The following PGGT1B variants were observed in gnomAD, a reference collection of about 807,000 sequenced individuals.
PGGT1B encodes the protein geranylgeranyl transferase type-1 subunit beta.
PGGT1B carries 30 observed loss-of-function variants against 46.1 expected under a neutral mutation model. That is an observed-to-expected ratio of 0.65 (90% CI 0.49 to 0.88). The LOEUF (loss-of-function observed/expected upper bound fraction) is 0.88. PGGT1B is among the 40% of genes least tolerant of loss of function. PGGT1B has a pLI of 0.00. For missense variants in PGGT1B, 376 were observed against 455.9 expected (o/e 0.82, Z 1.60); for synonymous variants, 170 against 160.0 (o/e 1.06, Z -0.47).
rs747282074 is a variant in PGGT1B at position 115,212,150 on chromosome 5, A to G, written c.*252T>C. ...ACACACATACAGTTAATTTGCCTCA[A>G]ACAACTTCTTAGAAATACAGTATAA... On this transcript the variant is annotated 3_prime_UTR_variant, in exon 9 of 9. Coordinates refer to ENST00000419445, the MANE Select transcript of PGGT1B (RefSeq NM_005023.4). 61 of 466,896 alleles carry G rather than the reference A, an allele frequency of 1.3e-4. No homozygotes were observed. Among genetic ancestry groups the G allele is most frequent in the Non-Finnish European group, 2.0e-4 (55 of 275,272 alleles). 28.9% of individuals were successfully genotyped at this position (466,896 alleles called of 1,614,324 possible).
intron 6 of PGGT1B, among the ~76,000 whole-genome samples, chr5:115,229,135 T>C (rs1756890477): frequency 6.6e-6 from 1 of 152,048 alleles, no homozygotes; most frequent in Non-Finnish European, 1.5e-5. Context: ...TCCTTTAGGG[T>C]AGTACTTCCC....
chr5:115,216,734 C>CT, intron 8 of PGGT1B, 131 bp downstream of exon 8: 1 of 663,754 alleles, frequency 1.5e-6, no homozygotes, highest in Non-Finnish European at 2.7e-6. Context: ...CACAATATAC[C>CT]TTTTAAAAAA....
chr5:115,233,314 AAAG>A (rs1731304201), intron 5 of PGGT1B, among the ~76,000 whole-genome samples: 1 of 151,920 alleles, frequency 6.6e-6, no homozygotes, highest in Admixed American at 6.6e-5. Context: ...TAGTGTTAGA[AAAG>A]AAATAGAAGA....
chr5:115,259,544 C>T (rs955455013), intron 1 of PGGT1B, among the ~76,000 whole-genome samples: 2 of 152,004 alleles, frequency 1.3e-5, no homozygotes, highest in African/African-American at 4.8e-5. Context: ...AAAAAATTAG[C>T]TGAGCGTGGT....
rs1411777152 is a variant in PGGT1B, at chr5:115,208,651, C to T, written c.*3751G>A. 2.0e-5 allele frequency: 3 copies of T among 151,892 alleles called. No homozygotes were observed. The highest frequency in any genetic ancestry group is 2.1e-4 in the South Asian group (1 of 4,826). The allele number at this position is 151,892 out of a possible 1,614,324, so 9.4% of individuals were successfully genotyped here. A position where few individuals can be genotyped will look rare whatever the true frequency, so the allele number is the denominator to read the frequency against. On this transcript the variant is annotated 3_prime_UTR_variant, in exon 9 of 9. Coordinates refer to ENST00000419445, the MANE Select transcript of PGGT1B (RefSeq NM_005023.4). The stretch of plus-strand genomic sequence containing the variant: ...TGGTAGTTTATCTGACTCAACTCCC[C>T]GCACTACCCATCACCAACTTGGATT...
chr5:115,213,946 T>C (rs533215243), intron 8 of PGGT1B, among the ~76,000 whole-genome samples: 10 of 152,342 alleles, frequency 6.6e-5, no homozygotes, highest in South Asian at 4.1e-4. Flanking sequence ...GAGGCCCATG[T>C]TGATCACCTT....
chr5:115,244,738 G>A (rs1462812576), intron 2 of PGGT1B, among the ~76,000 whole-genome samples: 1 of 151,578 alleles, frequency 6.6e-6, no homozygotes, highest in Non-Finnish European at 1.5e-5. Context: ...CTACAGGCAT[G>A]AGCTACCACG....
At chr5:115,228,696 T>C (rs1756873468) in intron 6 of PGGT1B, among the ~76,000 whole-genome samples, 1 of 151,918 alleles carries the variant, frequency 6.6e-6, no homozygotes, top group African/African-American at 2.4e-5. Flanking sequence ...AAAGCTGAAC[T>C]GAGGTAAAGA....
At chr5:115,223,802 T>C (rs1285906772) in intron 6 of PGGT1B, among the ~76,000 whole-genome samples, 1 of 152,216 alleles carries the variant, frequency 6.6e-6, no homozygotes, top group Non-Finnish European at 1.5e-5. Flanking sequence ...ACAACACTTT[T>C]TACTGGCACT....
intron 8 of PGGT1B, among the ~76,000 whole-genome samples, chr5:115,216,627 T>C (rs1225177208): frequency 6.6e-6 from 1 of 152,158 alleles, no homozygotes; most frequent in African/African-American, 2.4e-5. Context: ...CATTACTAAG[T>C]AAAATATTTG....
intron 6 of PGGT1B, among the ~76,000 whole-genome samples, chr5:115,227,984 A>C (rs1756845618): frequency 6.6e-6 from 1 of 152,178 alleles, no homozygotes; most frequent in South Asian, 2.1e-4. Flanking sequence ...CAAAAACTGA[A>C]AAGGAGATTA....
intron 1 of PGGT1B, among the ~76,000 whole-genome samples, chr5:115,261,372 C>T (rs1748549090): frequency 6.6e-6 from 1 of 152,178 alleles, no homozygotes; most frequent in African/African-American, 2.4e-5. Context: ...TTTCTTAGTG[C>T]TTCTCAGATA....
rs1554069083 is a variant in PGGT1B at position 115,207,180 on chromosome 5, C to CATACATATATATATATATAT, written c.*5221_*5222insATATATATATATATATGTAT. 4.4e-5 allele frequency: 4 copies of CATACATATATATATATATAT among 89,956 alleles called. No homozygotes were observed. The highest frequency in any genetic ancestry group is 3.2e-4 in the South Asian group (1 of 3,166). The allele number at this position is 89,956 out of a possible 1,614,324, so 5.6% of individuals were successfully genotyped here. A position where few individuals can be genotyped will look rare whatever the true frequency, so the allele number is the denominator to read the frequency against. On this transcript the variant is annotated 3_prime_UTR_variant, in exon 9 of 9. Transcript: ENST00000419445. ...ACTAGTTTAGGTTTGCATATACATA[C>CATACATATATATATATATAT]ATATATATATATATATATATATATA...
intron 6 of PGGT1B, among the ~76,000 whole-genome samples, chr5:115,225,309 A>G (rs1039190452): frequency 3.3e-5 from 5 of 152,266 alleles, no homozygotes; most frequent in African/African-American, 1.2e-4. Context: ...GTCATAAAAC[A>G]TCACAGATGA....
At chr5:115,250,005 T>C (rs1748020215) in intron 2 of PGGT1B, among the ~76,000 whole-genome samples, 1 of 152,194 alleles carries the variant, frequency 6.6e-6, no homozygotes, top group Non-Finnish European at 1.5e-5. Context: ...TAAAGGACAA[T>C]GTATCTTTTT....
chr5:115,248,503 C>A (rs966573799), intron 2 of PGGT1B, among the ~76,000 whole-genome samples: 4 of 152,190 alleles, frequency 2.6e-5, no homozygotes, highest in Non-Finnish European at 5.9e-5. Flanking sequence ...CAATTCCCAA[C>A]CTGACCCATT....
At chr5:115,243,831 C>A (rs1757421889) in intron 2 of PGGT1B, among the ~76,000 whole-genome samples, 1 of 151,972 alleles carries the variant, frequency 6.6e-6, no homozygotes, top group African/African-American at 2.4e-5. Flanking sequence ...TCCCTTTTTG[C>A]TCCTAGATCC....
At chr5:115,249,420 C>A (rs1452932107) in intron 2 of PGGT1B, among the ~76,000 whole-genome samples, 1 of 152,152 alleles carries the variant, frequency 6.6e-6, no homozygotes, top group African/African-American at 2.4e-5. Context: ...GGGTTCTCAT[C>A]CCTGACGCGG....
chr5:115,254,358 C>G (rs1399105001), intron 1 of PGGT1B, among the ~76,000 whole-genome samples: 1 of 151,976 alleles, frequency 6.6e-6, no homozygotes, highest in East Asian at 1.9e-4. Flanking sequence ...GGACCCAAAT[C>G]TAAATATGAA....
Sources: allele counts gnomAD v4.1 joint callset (sites outside exome capture counted in the v4.1 genomes callset), GRCh38; gene constraint gnomAD v4.1.1; transcripts MANE v1.5; gene names NCBI Gene and HGNC (gene_info 2026-07-23, HGNC 2026-07-21).